SHANK2: variants seen among roughly 807,000 people sequenced by gnomAD.
The protein encoded by SHANK2 is SH3 and multiple ankyrin repeat domains 2.
A neutral mutation model predicts 133.7 loss-of-function variants in SHANK2; 43 were observed. The ratio of observed to expected loss-of-function variants is 0.32; its 90% CI spans 0.25 to 0.41. The LOEUF (loss-of-function observed/expected upper bound fraction) is 0.41. Ranked by LOEUF, SHANK2 falls within the 10% of genes least tolerant of loss-of-function variation. The pLI, the probability that SHANK2 is intolerant of heterozygous loss-of-function variation, is 1.00. For missense variants in SHANK2, 1,994 were observed against 2,235.8 expected, an observed-to-expected ratio of 0.89 and a Z score of 2.18; for synonymous variants, 1,017 against 952.8, an observed-to-expected ratio of 1.07 and a Z score of -1.24.
At chr11:71,077,040 G>A (rs2135989593) in intron 8 of SHANK2, among the ~76,000 whole-genome samples, 1 of 152,250 alleles carries the variant, frequency 6.6e-6, no homozygotes, top group African/African-American at 2.4e-5. Flanking sequence ...GAAGAGACAT[G>A]CACAAAGCCA....
At chr11:70,533,500 C>T (rs2135987332) in intron 17 of SHANK2, among the ~76,000 whole-genome samples, 1 of 152,258 alleles carries the variant, frequency 6.6e-6, no homozygotes. Flanking sequence ...AACCTAGCTC[C>T]AATCACAACC....
chr11:70,886,310 C>T (rs1949745188), intron 11 of SHANK2, among the ~76,000 whole-genome samples: 1 of 152,242 alleles, frequency 6.6e-6, no homozygotes, highest in Non-Finnish European at 1.5e-5. Context: ...TGGTCAACAG[C>T]TGTGTGACTG....
At chr11:71,229,784 AAAAAG>A (rs1327692331) in intron 1 of SHANK2, among the ~76,000 whole-genome samples, 3 of 149,728 alleles carry the variant, frequency 2.0e-5, no homozygotes, top group African/African-American at 7.4e-5. Context: ...AAAAAAAAAG[AAAAAG>A]AAAAGAAAAG....
chr11:71,144,087 C>G (rs1227607011), intron 3 of SHANK2, among the ~76,000 whole-genome samples: 2 of 152,090 alleles, frequency 1.3e-5, no homozygotes, highest in East Asian at 3.9e-4. Context: ...GCAGTGACCC[C>G]GGCAAGAGAG....
At chr11:71,157,631 A>T (rs1453162050) in intron 2 of SHANK2, among the ~76,000 whole-genome samples, 1 of 152,204 alleles carries the variant, frequency 6.6e-6, no homozygotes, top group Non-Finnish European at 1.5e-5. Context: ...GTTTCTGTCC[A>T]GGCTGCTGTA....
rs1162228176 is a variant in SHANK2 at position 70,552,738 on chromosome 11, G to A, written c.2062-49807C>T. Among the ~76,000 whole-genome samples the A allele has an allele frequency of 5.3e-5, 8 of 152,144 alleles. No homozygotes were observed. In the East Asian group the frequency reaches 1.2e-3, roughly 22 times the overall value. ...CAGCCTGGGGTGCAAGGGAGTCACCGTGTCCAGCTGCATCGGGACGTTTTC... is the reference window on the plus strand; with the variant it reads ...CAGCCTGGGGTGCAAGGGAGTCACCATGTCCAGCTGCATCGGGACGTTTTC... On this transcript the variant is annotated intron_variant, in intron 17 of 25. Transcript: ENST00000601538.
chr11:70,879,709 G>A (rs782741457), intron 11 of SHANK2, among the ~76,000 whole-genome samples: 37 of 152,316 alleles, frequency 2.4e-4, no homozygotes, highest in Admixed American at 1.6e-3. Flanking sequence ...AAGGCCATGC[G>A]GGGCCCCCCT....
chr11:70,497,100 G>C (rs1565538880), intron 21 of SHANK2: 1 of 451,524 alleles, frequency 2.2e-6, no homozygotes, highest in Non-Finnish European at 4.5e-6. Flanking sequence ...TTTTAAGTTA[G>C]AGTTAGTGTA....
At chr11:70,944,221 G>A (rs1350862964) in intron 10 of SHANK2, among the ~76,000 whole-genome samples, 1 of 152,240 alleles carries the variant, frequency 6.6e-6, no homozygotes, top group Non-Finnish European at 1.5e-5. Flanking sequence ...CCTGTAAGGT[G>A]GAAACACATC....
intron 2 of SHANK2, among the ~76,000 whole-genome samples, chr11:71,153,977 AAAC>A (rs1952852092): frequency 6.6e-6 from 1 of 151,942 alleles, no homozygotes; most frequent in Admixed American, 6.5e-5. Flanking sequence ...CTCAAAAAAT[AAAC>A]AACAACAACA....
chr11:70,791,863 T>G (rs1947793134), intron 14 of SHANK2, among the ~76,000 whole-genome samples: 1 of 152,226 alleles, frequency 6.6e-6, no homozygotes, highest in Non-Finnish European at 1.5e-5. Flanking sequence ...ATGTGTACAA[T>G]GCAGGTGATG....
At chr11:71,197,849 A>G (rs1409233866) in intron 2 of SHANK2, among the ~76,000 whole-genome samples, 1 of 152,194 alleles carries the variant, frequency 6.6e-6, no homozygotes, top group Non-Finnish European at 1.5e-5. Context: ...TCTGAGCCAC[A>G]TCGCTTACCC....
chr11:71,224,457 G>A (rs1380791514), intron 2 of SHANK2, among the ~76,000 whole-genome samples: 1 of 152,206 alleles, frequency 6.6e-6, no homozygotes, highest in Non-Finnish European at 1.5e-5. Context: ...ACAGCTCAGA[G>A]CACGGTCCAG....
chr11:70,823,998 G>A (rs1015104139), intron 11 of SHANK2, among the ~76,000 whole-genome samples: 19 of 148,184 alleles, frequency 1.3e-4, no homozygotes, highest in African/African-American at 2.5e-4. Flanking sequence ...TGCTGGCAGC[G>A]CTCACAAGGG....
intron 6 of SHANK2, among the ~76,000 whole-genome samples, chr11:71,108,791 C>G (rs574957447): frequency 6.6e-6 from 1 of 152,342 alleles, no homozygotes; most frequent in East Asian, 1.9e-4. Context: ...TCACAGGCAT[C>G]AAAGCTACCA....
intron 17 of SHANK2, among the ~76,000 whole-genome samples, chr11:70,658,208 AACACAC>A (rs782131753): frequency 0.017 from 1,625 of 97,538 alleles, 28 homozygotes; most frequent in East Asian, 0.048. Context: ...ACGCCCCCCC[AACACAC>A]ACACACACAC....
chr11:70,526,592 G>A (rs2059400634), intron 17 of SHANK2, among the ~76,000 whole-genome samples: 1 of 152,194 alleles, frequency 6.6e-6, no homozygotes, highest in Admixed American at 6.5e-5. Context: ...TGCTTAGCCA[G>A]CGTATCCTCA....
At chr11:70,559,894 C>T (rs1423766707) in intron 17 of SHANK2, among the ~76,000 whole-genome samples, 5 of 136,656 alleles carry the variant, frequency 3.7e-5, no homozygotes, top group African/African-American at 1.1e-4. Context: ...TATTTTGAGA[C>T]AGAGTCTCAC....
chr11:70,886,830 A>G (rs1949754044), intron 11 of SHANK2, among the ~76,000 whole-genome samples: 1 of 152,084 alleles, frequency 6.6e-6, no homozygotes, highest in Non-Finnish European at 1.5e-5. Flanking sequence ...AAACCTAGCA[A>G]CAGTATCCAA....
Sources: allele counts gnomAD v4.1 joint callset (sites outside exome capture counted in the v4.1 genomes callset), GRCh38; gene constraint gnomAD v4.1.1; transcripts MANE v1.5; gene names NCBI Gene and HGNC (gene_info 2026-07-23, HGNC 2026-07-21).